The following PIGN variants were observed in gnomAD, a reference collection of about 807,000 sequenced individuals.
PIGN encodes phosphatidylinositol glycan anchor biosynthesis class N.
Under a neutral mutation model 125.4 loss-of-function variants are expected in PIGN, and 117 were observed. The ratio of observed to expected loss-of-function variants is 0.93; its 90% CI spans 0.80 to 1.09. The LOEUF (loss-of-function observed/expected upper bound fraction) is 1.09, where lower values mean the gene tolerates loss of function less well. Ranked by LOEUF, PIGN falls within the 50% of genes least tolerant of loss-of-function variation. The pLI is 0.00. For synonymous variants in PIGN, 392 were observed against 377.8 expected, an observed-to-expected ratio of 1.04 and a Z score of -0.44; for missense variants, 1,075 against 1,094.9, an observed-to-expected ratio of 0.98 and a Z score of 0.26.
At chr18:62,056,029 CA>C (rs1555672618) in intron 30 of PIGN, among the ~76,000 whole-genome samples, 3 of 121,158 alleles carry the variant, frequency 2.5e-5, no homozygotes, top group Non-Finnish European at 5.2e-5. Context: ...TAAGTTGGTG[CA>C]AAAGTAATTG....
In PIGN at chr18:62,106,994, C is replaced by T. The variant is rs778177290; in HGVS notation, c.1666G>A (p.Glu556Lys). The T allele has an allele frequency of 3.4e-5, 54 of 1,578,606 alleles. No homozygotes were observed. The highest frequency in any genetic ancestry group is 4.4e-5 in the Non-Finnish European group (51 of 1,160,796). The change falls in exon 18 of 31, where the codon GAA becomes AAA. Residue 556 changes from glutamate (E) to lysine (K), a missense_variant. Glu to Lys is a moderately conservative substitution (Grantham distance 56, BLOSUM62 1). This residue lies in a region of PIGN where 915 missense variants were observed against 908.7 expected (regional missense o/e 1.01). Coordinates refer to ENST00000640252, the MANE Select transcript of PIGN (RefSeq NM_176787.5). ...GYLLAFTLGI[E>K]VLVLSFFYRY... ...TCTGGTAAGTTACTTACTAATACTT[C>T]AATTCCCAGGGTAAAGGCTAACAGG...
intron 28 of PIGN, among the ~76,000 whole-genome samples, chr18:62,081,925 C>T (rs562606759): frequency 3.3e-5 from 5 of 152,226 alleles, no homozygotes; most frequent in Non-Finnish European, 7.4e-5. Context: ...CTAGCTTATA[C>T]TCATCAAGAA....
rs1379618727 is a variant in PIGN, at chr18:62,139,044, G to A, written c.1055C>T (p.Thr352Ile). ...CATGCTCTCTGCTTTGAAGAGATCA[G>A]TGTTGTTAAGATAATCCACAGGAAG... The part of the protein sequence containing the change: ...GILPVDYLNN[T>I]DLFKAESMFT... Residue 352 changes from threonine (T) to isoleucine (I), a missense_variant, in exon 13 of 31, where the codon ACT (threonine) becomes ATT (isoleucine). Transcript: ENST00000640252. 1.9e-6 allele frequency: 3 copies of A among 1,607,118 alleles called. No individual in the cohort carries two copies. The highest frequency in any genetic ancestry group is 2.2e-5 in the East Asian group (1 of 44,676).
intron 22 of PIGN, 53 bp downstream of exon 22, chr18:62,101,022 A>T: frequency 1.1e-6 from 1 of 920,552 alleles, no homozygotes; most frequent in Non-Finnish European, 1.8e-6. Flanking sequence ...AGATCATTTT[A>T]AAATAACTAA....
intron 7 of PIGN, among the ~76,000 whole-genome samples, chr18:62,148,764 A>T (rs533203855): frequency 9.9e-4 from 151 of 152,248 alleles, no homozygotes; most frequent in African/African-American, 3.5e-3. Flanking sequence ...GTGTACTATC[A>T]ACCTAGTCCA....
intron 14 of PIGN, among the ~76,000 whole-genome samples, chr18:62,127,729 C>CAA (rs2035589172): frequency 6.6e-6 from 1 of 151,780 alleles, no homozygotes; most frequent in African/African-American, 2.4e-5. Context: ...ATTGCTTCTT[C>CAA]ACCCAGACTG....
chr18:62,109,383 T>G (rs1041231580), intron 17 of PIGN, among the ~76,000 whole-genome samples: 4 of 110,484 alleles, frequency 3.6e-5, no homozygotes, highest in African/African-American at 6.9e-5. Flanking sequence ...AACTACAAAG[T>G]TTAATTTATC....
At chr18:62,162,191 ATACT>A (rs556081521) in intron 3 of PIGN, 58 bp downstream of exon 3, 3 of 152,196 alleles carry the variant, frequency 2.0e-5, no homozygotes, top group Non-Finnish European at 2.9e-5. Context: ...GAACTTACAA[ATACT>A]TAAGGAAGAA....
rs1203218358 is a variant in PIGN at position 62,105,647 on chromosome 18, A to C, written c.1768-13T>G. On this transcript the variant is annotated splice_polypyrimidine_tract_variant and intron_variant, in intron 19 of 30. Transcript: ENST00000640252. ...TCAGTGAGGTCATCTAAAATCAAGA[A>C]AAAAGTTATCTTTAGACAAATATGG... The C allele has an allele frequency of 1.3e-6, 2 of 1,487,020 alleles. No homozygotes were observed. The highest frequency in any genetic ancestry group is 4.1e-5 in the Admixed American group (2 of 48,300). 92.1% of individuals were successfully genotyped at this position (1,487,020 alleles called of 1,614,324 possible).
chr18:62,169,450 TTTC>T (rs1339022707), intron 1 of PIGN, among the ~76,000 whole-genome samples: 4 of 145,448 alleles, frequency 2.8e-5, no homozygotes, highest in South Asian at 4.5e-4. Context: ...TGTGCTTTCA[TTTC>T]TTCTTCTTAT....
At chr18:62,023,978 T>A (rs585588) in intron 23 of PIGN, among the ~76,000 whole-genome samples, 100,199 of 152,096 alleles carry the variant, frequency 0.66, 34,529 homozygotes, top group African/African-American at 0.87. Context: ...GTTATTTAAC[T>A]AAAGCATAGC....
intron 30 of PIGN, among the ~76,000 whole-genome samples, chr18:62,047,995 C>T (rs2030878575): frequency 6.6e-6 from 1 of 151,978 alleles, no homozygotes; most frequent in African/African-American, 2.4e-5. Flanking sequence ...TAGGAATTCT[C>T]AGCAAAGAAG....
chr18:62,029,596 T>A (rs2030166738), intron 23 of PIGN, among the ~76,000 whole-genome samples: 1 of 152,190 alleles, frequency 6.6e-6, no homozygotes, highest in African/African-American at 2.4e-5. Flanking sequence ...CGGTGACTGC[T>A]ATGCTCCAGG....
rs1377101321 is a variant in PIGN at position 62,102,787 on chromosome 18, A to T, written c.1968+7T>A. On this transcript the variant is annotated splice_region_variant and intron_variant, in intron 21 of 30. Transcript: ENST00000640252. ...GTATAACATAGTATTGAAAATCTGTAACTGACCTGTAACAGATGTACCAAT... is the reference window on the plus strand; with the variant it reads ...GTATAACATAGTATTGAAAATCTGTTACTGACCTGTAACAGATGTACCAAT... The T allele has an allele frequency of 7.6e-7, 1 of 1,317,560 alleles. No individual in the cohort carries two copies. Among genetic ancestry groups the T allele is most frequent in the Admixed American group, 2.1e-5 (1 of 48,012 alleles). The allele number at this position is 1,317,560 out of a possible 1,614,324, so 81.6% of individuals were successfully genotyped here. A position where few individuals can be genotyped will look rare whatever the true frequency, so the allele number is the denominator to read the frequency against.
In PIGN at chr18:62,073,071, T is replaced by C. The variant is rs528666213; in HGVS notation, c.2620-346A>G. 8.9e-4 allele frequency among the ~76,000 whole-genome samples: 135 copies of C among 152,142 alleles called. 1 individual carries two copies. Among genetic ancestry groups the C allele is most frequent in the Non-Finnish European group, 1.4e-3 (96 of 68,024 alleles). ...ATCTACCAACAAATATTTACTGTAC[T>C]GACTACCTACTGTGTGCCGATCACT... On this transcript the variant is annotated intron_variant, in intron 29 of 30. Coordinates refer to ENST00000640252, the MANE Select transcript of PIGN (RefSeq NM_176787.5).
chr18:62,166,716 T>C (rs2037148049), intron 1 of PIGN, among the ~76,000 whole-genome samples: 1 of 152,174 alleles, frequency 6.6e-6, no homozygotes, highest in South Asian at 2.1e-4. Flanking sequence ...TGGAATATTA[T>C]GCAGCCATAA....
rs1336408586 is a variant in PIGN at position 62,113,134 on chromosome 18, C to G, written c.1434G>C (p.Lys478Asn). ...NLIKGVSKEVKKPSHLLPCSF... is the reference protein window; with the variant it reads ...NLIKGVSKEVNKPSHLLPCSF... Reference sequence around the variant, plus strand: ...GAATCCTCACATTTTCTAAACGTACCTTCACTTCTTTACTAACACCTTTTA... The same window carrying G: ...GAATCCTCACATTTTCTAAACGTACGTTCACTTCTTTACTAACACCTTTTA... Residue 478 changes from lysine (K) to asparagine (N), a missense_variant and splice_region_variant, in exon 16 of 31, where the codon AAG becomes AAC. Physicochemically the swap from Lys to Asn is moderately conservative, Grantham distance 94. Transcript: ENST00000640252. The G allele has an allele frequency of 6.2e-7, 1 of 1,600,956 alleles. No homozygotes were observed. Among genetic ancestry groups the G allele is most frequent in the Admixed American group, 1.7e-5 (1 of 57,848 alleles).
rs149604333 is a variant in PIGN at position 62,071,652 on chromosome 18, G to A, written c.2672+1021C>T. ...TAAGATGATAACAGACCTAGTGATA[G>A]CGCAGTGTCTTTGCAGCACAAAGCA... is the stretch of plus-strand genomic sequence containing the variant. On this transcript the variant is annotated intron_variant, in intron 30 of 30. Coordinates refer to ENST00000640252, the MANE Select transcript of PIGN (RefSeq NM_176787.5). 1.5e-4 allele frequency among the ~76,000 whole-genome samples: 23 copies of A among 151,850 alleles called. 1 individual carries two copies. The highest frequency in any genetic ancestry group is 4.8e-4 in the African/African-American group (20 of 41,384).
chr18:62,132,883 G>A (rs1268992366), intron 14 of PIGN, among the ~76,000 whole-genome samples: 1 of 151,998 alleles, frequency 6.6e-6, no homozygotes, highest in African/African-American at 2.4e-5. Flanking sequence ...AATTTTCTTA[G>A]TACAAATCTT....
Sources: allele counts gnomAD v4.1 joint callset (sites outside exome capture counted in the v4.1 genomes callset), GRCh38; gene constraint gnomAD v4.1.1; regional missense constraint gnomAD v4.1.1; transcripts MANE v1.5; gene names NCBI Gene and HGNC (gene_info 2026-07-23, HGNC 2026-07-21).